TEX9: variants seen among roughly 807,000 people sequenced by gnomAD.
TEX9 encodes the protein testis expressed 9.
Under a neutral mutation model 59.6 loss-of-function variants are expected in TEX9, and 74 were observed. That is an observed-to-expected ratio of 1.24 (90% CI 1.03 to 1.51). TEX9 has a LOEUF of 1.51. Ranked by LOEUF, TEX9 falls within the 40% of genes most tolerant of loss-of-function variation. The pLI is 0.00. For synonymous variants in TEX9, 186 were observed against 152.2 expected (o/e 1.22, Z -1.64); for missense variants, 522 against 447.8 (o/e 1.17, Z -1.49).
intron 1 of TEX9, among the ~76,000 whole-genome samples, chr15:56,328,675 C>T (rs1231941051): frequency 3.3e-5 from 5 of 152,190 alleles, no homozygotes; most frequent in African/African-American, 1.2e-4. Flanking sequence ...GTAGTAGTGG[C>T]CACAAGGTGT....
chr15:56,305,937 A>G lies in TEX9; in HGVS notation c.-107+61659A>G, dbSNP rs191809144. Among the ~76,000 whole-genome samples, 13 of 152,322 alleles carry G rather than the reference A, an allele frequency of 8.5e-5. No individual in the cohort carries two copies. The East Asian group carries it at 2.5e-3, about 29-fold the overall frequency. Reference sequence around the variant, plus strand: ...AATAACTCAAAGAGAAAAAAATGTAATAATCTGATTTAAAAATGGGCAAAA... The same window carrying G: ...AATAACTCAAAGAGAAAAAAATGTAGTAATCTGATTTAAAAATGGGCAAAA... On this transcript the variant is annotated intron_variant, in intron 1 of 5. Transcript: ENST00000560827.
At chr15:56,331,001 G>A (rs1465199289) in intron 1 of TEX9, among the ~76,000 whole-genome samples, 1 of 152,148 alleles carries the variant, frequency 6.6e-6, no homozygotes, top group Non-Finnish European at 1.5e-5. Context: ...AAAAGAGCAG[G>A]AGTTGCTCTG....
chr15:56,444,942 A>G (rs948736134), intron 12 of TEX9, among the ~76,000 whole-genome samples: 47 of 152,068 alleles, frequency 3.1e-4, no homozygotes, highest in African/African-American at 1.0e-3. Context: ...TCAAAAAACA[A>G]TGAATACAAT....
At chr15:56,343,603 A>C (rs934689714) in intron 1 of TEX9, among the ~76,000 whole-genome samples, 2 of 152,128 alleles carry the variant, frequency 1.3e-5, no homozygotes, top group Non-Finnish European at 2.9e-5. Flanking sequence ...AGAGGATATT[A>C]TCAACAACTT....
At chr15:56,247,826 A>G (rs1289085335) in intron 1 of TEX9, among the ~76,000 whole-genome samples, 25 of 152,196 alleles carry the variant, frequency 1.6e-4, no homozygotes, top group African/African-American at 6.0e-4. Context: ...CTTCTTTCCC[A>G]ACTTGAATAT....
intron 9 of TEX9, chr15:56,397,919 C>A (rs2142387007): frequency 6.5e-6 from 1 of 153,830 alleles, no homozygotes; most frequent in East Asian, 1.9e-4. Flanking sequence ...AAATCTCTTT[C>A]TTTTGTAAAT....
At chr15:56,383,052 A>C (rs1401273635) in intron 3 of TEX9, among the ~76,000 whole-genome samples, 1 of 152,214 alleles carries the variant, frequency 6.6e-6, no homozygotes, top group Non-Finnish European at 1.5e-5. Context: ...ACTTGCTGAC[A>C]AACTGGAGTT....
intron 1 of TEX9, among the ~76,000 whole-genome samples, chr15:56,255,833 A>C (rs2044133435): frequency 2.0e-5 from 3 of 152,108 alleles, no homozygotes; most frequent in Admixed American, 1.3e-4. Context: ...GTAGGAAAAA[A>C]GTAAGGATAG....
chr15:56,437,017 C>T (rs1470137050), intron 12 of TEX9, among the ~76,000 whole-genome samples: 1 of 152,110 alleles, frequency 6.6e-6, no homozygotes, highest in African/African-American at 2.4e-5. Context: ...CGAATTCTAC[C>T]AGAGGTACAA....
intron 10 of TEX9, among the ~76,000 whole-genome samples, chr15:56,422,139 T>C (rs1170489814): frequency 6.9e-6 from 1 of 145,912 alleles, no homozygotes; most frequent in Non-Finnish European, 1.5e-5. Context: ...TTAGGAGATA[T>C]ACCTAATGCT....
At chr15:56,440,899 C>T (rs1290770196) in intron 12 of TEX9, among the ~76,000 whole-genome samples, 1 of 151,964 alleles carries the variant, frequency 6.6e-6, no homozygotes, top group Non-Finnish European at 1.5e-5. Context: ...GTTATTTCTA[C>T]TTTTGGGTTA....
intron 1 of TEX9, among the ~76,000 whole-genome samples, chr15:56,356,522 G>T (rs182914062): frequency 6.6e-6 from 1 of 151,940 alleles, no homozygotes; most frequent in Non-Finnish European, 1.5e-5. Context: ...AGTGCCTTTG[G>T]TAGGCATACG....
intron 1 of TEX9, among the ~76,000 whole-genome samples, chr15:56,303,830 A>C (rs1254078748): frequency 1.3e-5 from 2 of 152,204 alleles, no homozygotes; most frequent in East Asian, 3.8e-4. Context: ...AACCGATACC[A>C]CAGAAATTCA....
At chr15:56,434,984 C>T (rs547160564) in intron 12 of TEX9, among the ~76,000 whole-genome samples, 2 of 152,010 alleles carry the variant, frequency 1.3e-5, no homozygotes, top group Non-Finnish European at 1.5e-5. Context: ...ATTTTCTGAA[C>T]ATTTTATTAT....
At chr15:56,437,754 C>T (rs1361587539) in intron 12 of TEX9, among the ~76,000 whole-genome samples, 2 of 152,180 alleles carry the variant, frequency 1.3e-5, no homozygotes, top group African/African-American at 4.8e-5. Flanking sequence ...AGCTGATAAG[C>T]AACTTCAGCA....
intron 1 of TEX9, among the ~76,000 whole-genome samples, chr15:56,331,601 A>G (rs1336704760): frequency 6.6e-6 from 1 of 152,228 alleles, no homozygotes; most frequent in African/African-American, 2.4e-5. Context: ...ATTTCTTGAA[A>G]CAAATAATAA....
intron 12 of TEX9, among the ~76,000 whole-genome samples, chr15:56,438,689 C>T (rs1299922064): frequency 2.0e-5 from 3 of 152,112 alleles, no homozygotes; most frequent in Non-Finnish European, 4.4e-5. Flanking sequence ...AAAGAAACTA[C>T]CATCAGAGTG....
At chr15:56,437,396 C>T (rs1374879019) in intron 12 of TEX9, among the ~76,000 whole-genome samples, 1 of 152,062 alleles carries the variant, frequency 6.6e-6, no homozygotes, top group Non-Finnish European at 1.5e-5. Flanking sequence ...GCAAAAAAGG[C>T]CCTTGACAAA....
intron 10 of TEX9, among the ~76,000 whole-genome samples, chr15:56,417,974 G>A (rs1294329274): frequency 6.6e-5 from 10 of 151,668 alleles, no homozygotes; most frequent in African/African-American, 2.4e-4. Context: ...GGTTTGAAAC[G>A]TTTTGTCTGA....
Sources: gnomAD v4.1 joint callset for allele counts (sites outside exome capture counted in the v4.1 genomes callset) on GRCh38, gnomAD v4.1.1 for gene constraint, MANE v1.5 for transcripts, NCBI Gene and HGNC (gene_info 2026-07-23, HGNC 2026-07-21) for gene names.